The following DST variants were observed in gnomAD, a reference collection of about 807,000 sequenced individuals.
DST encodes bullous pemphigoid antigen.
Under a neutral mutation model 875.2 loss-of-function variants are expected in DST, and 253 were observed. The observed-to-expected ratio is 0.29, with a 90% CI of 0.26 to 0.32. DST has a LOEUF of 0.32. Ranked by LOEUF, DST falls within the 10% of genes least tolerant of loss-of-function variation. The probability of loss-of-function intolerance (pLI) is 1.00; values close to 1 mark genes in which losing one functional copy is unlikely to be tolerated. For synonymous variants in DST, 3,124 were observed against 3,197.1 expected, an observed-to-expected ratio of 0.98 and a Z score of 0.77; for missense variants, 8,287 against 9,111.6, an observed-to-expected ratio of 0.91 and a Z score of 3.68.
chr6:56,500,085 AAAG>A (rs1197788992), intron 80 of DST, among the ~76,000 whole-genome samples: 4 of 152,134 alleles, frequency 2.6e-5, no homozygotes, highest in Non-Finnish European at 2.9e-5. Flanking sequence ...GGGAACTATG[AAAG>A]AAGAAGAACA....
chr6:56,477,627 A>T (rs2095253038), intron 90 of DST, 139 bp from the exon 91 acceptor site: 2 of 1,097,038 alleles, frequency 1.8e-6, no homozygotes, highest in East Asian at 4.8e-5. Flanking sequence ...TCATCTACTA[A>T]TTGGGGAGGA....
intron 2 of DST, among the ~76,000 whole-genome samples, chr6:56,904,478 A>G (rs1165612744): frequency 1.3e-5 from 2 of 152,210 alleles, no homozygotes; most frequent in Non-Finnish European, 1.5e-5. Context: ...GATAATCCAC[A>G]TTACGTACTC....
intron 4 of DST, among the ~76,000 whole-genome samples, chr6:56,831,542 T>A (rs1040456018): frequency 6.6e-6 from 1 of 152,096 alleles, no homozygotes; most frequent in African/African-American, 2.4e-5. Flanking sequence ...AACCCCTGGA[T>A]GCTCGTATCA....
At chr6:56,800,204 A>G (rs2099745117) in intron 4 of DST, among the ~76,000 whole-genome samples, 1 of 152,174 alleles carries the variant, frequency 6.6e-6, no homozygotes, top group African/African-American at 2.4e-5. Context: ...GGGGAACTGA[A>G]ACACTTCATT....
At position 56,561,561 on chromosome 6, in the gene DST, A is replaced by G. The variant is rs781252100; in HGVS notation, c.14069-12T>C. On this transcript the variant is annotated splice_polypyrimidine_tract_variant and intron_variant, in intron 56 of 103. Coordinates refer to ENST00000680361, the MANE Select transcript of DST (RefSeq NM_001374736.1). Reference sequence around the variant, plus strand: ...AATGGATGTTAAACCTAGGAGTAAGAAAAACAACTATACTGACACATTTTC... The same window carrying G: ...AATGGATGTTAAACCTAGGAGTAAGGAAAACAACTATACTGACACATTTTC... 3.8e-5 allele frequency: 61 copies of G among 1,604,532 alleles called. No homozygotes were observed. The highest frequency in any genetic ancestry group is 5.2e-5 in the Non-Finnish European group (61 of 1,175,456).
In DST at chr6:56,605,223, C is replaced by T; in HGVS notation, c.9405G>A (p.Glu3135=). 1 of 1,611,474 alleles carries T rather than the reference C, an allele frequency of 6.2e-7. No individual in the cohort carries two copies. ...ATGTGTCAAAAATTTCTTCAAGATT[C>T]TCAAACTGAACAGGACTTTTACTAA... ...IIVSKSPVQF[E]NLEEIFDTSV... is the part of the protein sequence containing the mutation. The change falls in exon 40 of 104, where the codon GAG becomes GAA. Residue 3135 remains glutamate (E), a synonymous_variant. Transcript: ENST00000680361.
Position 56,639,289 on chromosome 6 carries a change from T to C in DST, c.2934A>G (p.Leu978=). The C allele has an allele frequency of 6.2e-7, 1 of 1,613,900 alleles. No homozygotes were observed. Among genetic ancestry groups the C allele is most frequent in the East Asian group, 2.2e-5 (1 of 44,856 alleles). The change falls in exon 22 of 104, where the codon CTA becomes CTG. Residue 978 remains leucine, a synonymous_variant. Transcript: ENST00000680361. The part of the protein sequence containing the change: ...SVQEIAEQLL[L]ENHPARLTIE... Reference sequence around the variant, plus strand: ...TAGTTAACCGGGCTGGATGATTTTCTAGAAGTAGCTGCTCTGCTATCTCCT... The same window carrying C: ...TAGTTAACCGGGCTGGATGATTTTCCAGAAGTAGCTGCTCTGCTATCTCCT...
intron 63 of DST, among the ~76,000 whole-genome samples, chr6:56,533,405 G>A (rs1228573622): frequency 6.6e-6 from 1 of 152,198 alleles, no homozygotes; most frequent in Non-Finnish European, 1.5e-5. Flanking sequence ...TAATTAAGGA[G>A]TAAAGATTTG....
Position 56,602,910 on chromosome 6 carries a change from T to A in DST, c.11279A>T (p.Tyr3760Phe). ...GAGAAACTCCAAACGTTTCTTTACA[T>A]ACTCAGAATCTTGAACATTCACAAT... ...IEIVNVQDSE[Y>F]VKKRLEFLKN... Residue 3760 changes from tyrosine to phenylalanine, a missense_variant, in exon 43 of 104, where the codon TAT becomes TTT. Around this residue, in one of 10 missense-constraint regions of DST, gnomAD observed 3,138 missense variants for 3,116.6 expected, o/e 1.01. Coordinates refer to ENST00000680361, the MANE Select transcript of DST (RefSeq NM_001374736.1). The A allele has an allele frequency of 6.4e-7, 1 of 1,557,796 alleles. No individual in the cohort carries two copies. Among genetic ancestry groups the A allele is most frequent in the Non-Finnish European group, 8.6e-7 (1 of 1,161,288 alleles).
intron 2 of DST, among the ~76,000 whole-genome samples, chr6:56,939,827 C>T (rs1815381984): frequency 6.6e-6 from 1 of 152,006 alleles, no homozygotes; most frequent in South Asian, 2.1e-4. Flanking sequence ...GAGTTCAAGA[C>T]CAGCCTGGCC....
chr6:56,667,128 T>G (rs1446530807), intron 10 of DST, among the ~76,000 whole-genome samples: 1 of 152,212 alleles, frequency 6.6e-6, no homozygotes, highest in Non-Finnish European at 1.5e-5. Flanking sequence ...CAGGCTGGTC[T>G]CCAACTCCTG....
In DST at chr6:56,509,847, A is replaced by G; in HGVS notation, c.18807T>C (p.Leu6269=). 6.2e-7 allele frequency: 1 copy of G among 1,612,920 alleles called. No homozygotes were observed. The highest frequency in any genetic ancestry group is 2.2e-5 in the East Asian group (1 of 44,866). The change falls in exon 74 of 104, where the codon CTT becomes CTC. Residue 6269 remains leucine, a synonymous_variant. Transcript: ENST00000680361. ...GTTCCACGATGCGTTCCAGGCTCTC[A>G]AGGATCTGATCTATCTTGTCATGGA... ...TQFHDKIDQI[L]ESLERIVERL...
chr6:56,892,336 T>TG, intron 3 of DST, among the ~76,000 whole-genome samples: 1 of 150,432 alleles, frequency 6.6e-6, no homozygotes, highest in East Asian at 1.9e-4. Context: ...TTTTTTTTTT[T>TG]TTTTTCAGAC....
intron 27 of DST, among the ~76,000 whole-genome samples, chr6:56,633,752 T>C (rs2098803418): frequency 6.6e-6 from 1 of 151,932 alleles, no homozygotes; most frequent in Non-Finnish European, 1.5e-5. Flanking sequence ...TCCACCTGCC[T>C]CGGCCTCCCA....
intron 5 of DST, among the ~76,000 whole-genome samples, chr6:56,712,100 A>AAAAAAAAAAAAAAAAC (rs1563813807): frequency 6.7e-6 from 1 of 148,160 alleles, no homozygotes; most frequent in African/African-American, 2.6e-5. Context: ...CAAAAAAAAA[A>AAAAAAAAAAAAAAAAC]AAAAAATAGG....
chr6:56,616,951 T>C (rs1251712460), intron 36 of DST: 1 of 1,604,330 alleles, frequency 6.2e-7, no homozygotes, highest in Non-Finnish European at 8.5e-7. Flanking sequence ...CAGCCTGAGC[T>C]TCTAAAAATG....
chr6:56,770,909 A>G (rs962704094), intron 4 of DST, among the ~76,000 whole-genome samples: 2 of 151,878 alleles, frequency 1.3e-5, no homozygotes, highest in African/African-American at 4.8e-5. Flanking sequence ...CTGAGGCAGG[A>G]GAATAGCTTG....
At chr6:56,588,197 T>C (rs547360260) in intron 49 of DST, among the ~76,000 whole-genome samples, 26 of 152,366 alleles carry the variant, frequency 1.7e-4, no homozygotes, top group African/African-American at 5.8e-4. Context: ...GAGCATGCTA[T>C]AGTCTAAAAG....
At chr6:56,865,967 GTT>G (rs113110138) in intron 3 of DST, among the ~76,000 whole-genome samples, 2 of 148,674 alleles carry the variant, frequency 1.3e-5, no homozygotes, top group African/African-American at 4.9e-5. Context: ...TTAGAGCTAT[GTT>G]TTTTTTTTGT....
Sources: allele counts gnomAD v4.1 joint callset (sites outside exome capture counted in the v4.1 genomes callset), GRCh38; gene constraint gnomAD v4.1.1; regional missense constraint gnomAD v4.1.1; transcripts MANE v1.5; gene names NCBI Gene and HGNC (gene_info 2026-07-23, HGNC 2026-07-21).